Variants in NR6A1 observed in about 807,000 individuals in gnomAD.
The protein encoded by NR6A1 is nuclear receptor subfamily 6 group A member 1, also known as retinoic acid receptor-related testis-associated receptor.
Under a neutral mutation model 59.1 loss-of-function variants are expected in NR6A1, and 7 were observed. That is an observed-to-expected ratio of 0.12 (90% CI 0.07 to 0.22). The LOEUF is 0.22. NR6A1 is among the 10% of genes least tolerant of loss of function. NR6A1 has a pLI of 1.00. For synonymous variants in NR6A1, 243 were observed against 236.1 expected (o/e 1.03, Z -0.27); for missense variants, 468 against 611.6 (o/e 0.77, Z 2.48).
intron 1 of NR6A1, among the ~76,000 whole-genome samples, chr9:124,763,004 C>A (rs1840823153): frequency 6.6e-6 from 1 of 152,172 alleles, no homozygotes; most frequent in Non-Finnish European, 1.5e-5. Context: ...AATAGTCTGC[C>A]AAATGCCCAA....
At chr9:124,741,936 G>C (rs1214461847) in intron 1 of NR6A1, among the ~76,000 whole-genome samples, 1 of 152,160 alleles carries the variant, frequency 6.6e-6, no homozygotes, top group Non-Finnish European at 1.5e-5. Context: ...AGCAATCATG[G>C]AGCCAGGAGC....
At chr9:124,588,134 G>T (rs1834988634) in intron 2 of NR6A1, among the ~76,000 whole-genome samples, 1 of 152,184 alleles carries the variant, frequency 6.6e-6, no homozygotes, top group African/African-American at 2.4e-5. Flanking sequence ...GTTCTTGTCA[G>T]CATATGATAT....
chr9:124,760,355 C>T (rs1476656031), intron 1 of NR6A1, among the ~76,000 whole-genome samples: 1 of 151,862 alleles, frequency 6.6e-6, no homozygotes, highest in Admixed American at 6.6e-5. Flanking sequence ...TAAAAGCCAG[C>T]ATGAGAGAAA....
intron 2 of NR6A1, among the ~76,000 whole-genome samples, chr9:124,645,533 AG>A (rs1215592872): frequency 2.0e-5 from 3 of 152,242 alleles, no homozygotes; most frequent in African/African-American, 7.2e-5. Flanking sequence ...GAGTGAGGAA[AG>A]TTATCAGGAG....
intron 2 of NR6A1, chr9:124,599,596 G>A (rs920855367): frequency 1.7e-6 from 2 of 1,165,056 alleles, no homozygotes; most frequent in Admixed American, 7.9e-5. Context: ...CGCGGCGGCG[G>A]CGGCCGCTCG....
At chr9:124,680,120 GTT>G (rs1491431380) in intron 2 of NR6A1, among the ~76,000 whole-genome samples, 3 of 148,882 alleles carry the variant, frequency 2.0e-5, no homozygotes, top group South Asian at 4.2e-4. Flanking sequence ...GTGTGTGTGT[GTT>G]TATGTATGTA....
chr9:124,535,264 G>A (rs1177167958), intron 7 of NR6A1, among the ~76,000 whole-genome samples: 2 of 151,904 alleles, frequency 1.3e-5, no homozygotes, highest in East Asian at 2.0e-4. Context: ...TCCTGGATGC[G>A]TTATCTCAGT....
intron 2 of NR6A1, among the ~76,000 whole-genome samples, chr9:124,596,533 G>A (rs1307833542): frequency 6.6e-6 from 1 of 152,110 alleles, no homozygotes; most frequent in Non-Finnish European, 1.5e-5. Context: ...AGGAAACTAG[G>A]TCTGCAAAAT....
At chr9:124,734,032 G>A (rs904346085) in intron 1 of NR6A1, among the ~76,000 whole-genome samples, 1 of 152,154 alleles carries the variant, frequency 6.6e-6, no homozygotes, top group Non-Finnish European at 1.5e-5. Flanking sequence ...AACATAGTAC[G>A]TCCTCTATAC....
intron 2 of NR6A1, among the ~76,000 whole-genome samples, chr9:124,570,523 G>A (rs760770489): frequency 1.8e-4 from 27 of 152,202 alleles, no homozygotes; most frequent in Non-Finnish European, 3.2e-4. Flanking sequence ...CTTCTCAACT[G>A]TAGGTGAGGG....
chr9:124,770,021 A>T (rs1466485901), intron 1 of NR6A1: 3 of 152,340 alleles, frequency 2.0e-5, no homozygotes, highest in Non-Finnish European at 4.4e-5. Flanking sequence ...GGAAGCCCCG[A>T]GGAACCTGAG....
At chr9:124,669,042 GA>G (rs1464876072) in intron 2 of NR6A1, among the ~76,000 whole-genome samples, 1 of 152,134 alleles carries the variant, frequency 6.6e-6, no homozygotes, top group East Asian at 1.9e-4. Flanking sequence ...TAGCAATATT[GA>G]AAACCCTCTA....
At chr9:124,553,751 C>T (rs183911499) in intron 3 of NR6A1, among the ~76,000 whole-genome samples, 2 of 152,018 alleles carry the variant, frequency 1.3e-5, no homozygotes. Context: ...CTAGACTCTA[C>T]TAAAAACTTT....
intron 2 of NR6A1, among the ~76,000 whole-genome samples, chr9:124,561,080 G>C (rs1834072904): frequency 6.6e-6 from 1 of 151,962 alleles, no homozygotes; most frequent in Non-Finnish European, 1.5e-5. Flanking sequence ...ATGTACCTCT[G>C]TTTCTCTTCT....
chr9:124,657,603 TG>T (rs1837297001), intron 2 of NR6A1, among the ~76,000 whole-genome samples: 1 of 152,212 alleles, frequency 6.6e-6, no homozygotes, highest in Non-Finnish European at 1.5e-5. Flanking sequence ...TATAATGACC[TG>T]GTTTCCCAGT....
chr9:124,591,030 G>A (rs145082418), intron 2 of NR6A1, among the ~76,000 whole-genome samples: 2 of 152,246 alleles, frequency 1.3e-5, no homozygotes, highest in Non-Finnish European at 2.9e-5. Flanking sequence ...TATTAACACT[G>A]CAATTGGTTC....
chr9:124,760,535 C>A (rs1053835101), intron 1 of NR6A1, among the ~76,000 whole-genome samples: 1 of 152,040 alleles, frequency 6.6e-6, no homozygotes, highest in Non-Finnish European at 1.5e-5. Flanking sequence ...ATCCTTATAA[C>A]CCTACAGTCA....
chr9:124,721,706 A>T (rs1002551060), intron 2 of NR6A1, among the ~76,000 whole-genome samples: 1 of 152,200 alleles, frequency 6.6e-6, no homozygotes, highest in Admixed American at 6.5e-5. Flanking sequence ...CACGCAGAAG[A>T]GGCCCAGATG....
intron 2 of NR6A1, among the ~76,000 whole-genome samples, chr9:124,650,591 T>C (rs543612091): frequency 1.4e-4 from 22 of 152,296 alleles, no homozygotes; most frequent in Middle Eastern, 3.4e-3. Flanking sequence ...GAAGAGAGTA[T>C]TTGGAATGTT....
Sources: allele counts gnomAD v4.1 joint callset (sites outside exome capture counted in the v4.1 genomes callset), GRCh38; gene constraint gnomAD v4.1.1; transcripts MANE v1.5; gene names NCBI Gene and HGNC (gene_info 2026-07-23, HGNC 2026-07-21).